Variants in HERC3 observed in about 807,000 individuals in gnomAD.
HERC3 encodes the protein HECT and RLD domain containing E3 ubiquitin protein ligase 3.
HERC3 carries 58 observed loss-of-function variants against 129.9 expected under a neutral mutation model. The observed-to-expected ratio is 0.45, with a 90% CI of 0.36 to 0.56. The LOEUF is 0.56. HERC3 is among the 20% of genes least tolerant of loss of function. The pLI, the probability that HERC3 is intolerant of heterozygous loss-of-function variation, is 0.00. For synonymous variants in HERC3, 430 were observed against 451.0 expected (o/e 0.95, Z 0.59); for missense variants, 835 against 1,244.2 (o/e 0.67, Z 4.95).
At chr4:88,656,314 T>C in intron 9 of HERC3, 1 of 395,666 alleles carries the variant, frequency 2.5e-6, no homozygotes, top group South Asian at 3.6e-5. Flanking sequence ...AGAGTTTTAA[T>C]TGGCTCACAG....
chr4:88,653,137 A>G (rs1238626883), intron 6 of HERC3, 47 bp downstream of exon 6: 1 of 1,557,060 alleles, frequency 6.4e-7, no homozygotes, highest in Non-Finnish European at 8.8e-7. Context: ...AAGCACATTC[A>G]TTTAACACAT....
chr4:88,677,972 C>A lies in HERC3; in HGVS notation c.2034C>A (p.Val678=). Residue 678 remains valine (V), a synonymous_variant, in exon 19 of 26, where the codon GTC becomes GTA. Transcript: ENST00000402738. ...TGACTGTGCCATTCCAGGTGGCAGT[C>A]AATGGAGCCAACCTGCAGAATGTCT... ...TDAELQMQVA[V]NGANLQNVFM... is the part of the protein sequence containing the mutation. The A allele has an allele frequency of 6.2e-7, 1 of 1,611,918 alleles. No homozygotes were observed. The highest frequency in any genetic ancestry group is 1.1e-5 in the South Asian group (1 of 91,030).
At chr4:88,539,774 C>T in the HERC3 span, among the ~76,000 whole-genome samples, 1 of 152,222 alleles carries the variant, frequency 6.6e-6, no homozygotes, top group Non-Finnish European at 1.5e-5. Flanking sequence ...GCAGCTTCCG[C>T]TGGTGATACC....
the HERC3 span, among the ~76,000 whole-genome samples, chr4:88,561,995 T>C: frequency 6.6e-6 from 1 of 152,214 alleles, no homozygotes; most frequent in Non-Finnish European, 1.5e-5. Flanking sequence ...ATTTCCATTC[T>C]TTTGGGTATT....
At chr4:88,654,385 T>TACAC (rs60231988) in intron 7 of HERC3, among the ~76,000 whole-genome samples, 23 of 104,320 alleles carry the variant, frequency 2.2e-4, no homozygotes, top group African/African-American at 6.9e-4. Context: ...TATATATATA[T>TACAC]ATACACACAC....
chr4:88,544,957 G>A, the HERC3 span, among the ~76,000 whole-genome samples: 1 of 152,092 alleles, frequency 6.6e-6, no homozygotes, highest in Non-Finnish European at 1.5e-5. Context: ...TGTAAATGAC[G>A]AGTTGATGGG....
At chr4:88,550,232 G>A in the HERC3 span, among the ~76,000 whole-genome samples, 95 of 152,262 alleles carry the variant, frequency 6.2e-4, no homozygotes, top group African/African-American at 2.2e-3. Context: ...ACAAGACAGG[G>A]ATGCCCTCTC....
At chr4:88,700,661 G>GTTCTCCAGAACACAGTGTTTCTGTGT (rs545359603) in intron 23 of HERC3, among the ~76,000 whole-genome samples, 145 of 152,126 alleles carry the variant, frequency 9.5e-4, no homozygotes, top group Non-Finnish European at 1.8e-3. Flanking sequence ...ATATGTCAGT[G>GTTCTCCAGAACACAGTGTTTCTGTGT]TTCTCCAGAG....
chr4:88,651,942 T>C, intron 4 of HERC3, 70 bp from the exon 5 acceptor site: 1 of 1,080,692 alleles, frequency 9.3e-7, no homozygotes, highest in East Asian at 2.4e-5. Context: ...TTTATTTAAT[T>C]GGGAATATTT....
At chr4:88,576,368 G>A in the HERC3 span, among the ~76,000 whole-genome samples, 1 of 152,164 alleles carries the variant, frequency 6.6e-6, no homozygotes, top group African/African-American at 2.4e-5. Flanking sequence ...GGGTCTGCAT[G>A]ATATGTCTCT....
At chr4:88,593,656 G>T (rs1009083394) in intron 1 of HERC3, among the ~76,000 whole-genome samples, 2 of 152,176 alleles carry the variant, frequency 1.3e-5, no homozygotes, top group African/African-American at 4.8e-5. Flanking sequence ...TGGGAAAGAC[G>T]ATTCAAGAGC....
At chr4:88,694,779 T>A (rs1425725124) in intron 23 of HERC3, among the ~76,000 whole-genome samples, 1 of 152,210 alleles carries the variant, frequency 6.6e-6, no homozygotes, top group African/African-American at 2.4e-5. Flanking sequence ...TTTACATAGG[T>A]CATACACATT....
chr4:88,678,686 A>G (rs897439487), intron 19 of HERC3, among the ~76,000 whole-genome samples: 2 of 152,326 alleles, frequency 1.3e-5, no homozygotes, highest in East Asian at 3.9e-4. Flanking sequence ...TTAGTGAATT[A>G]TATGAAATTG....
intron 13 of HERC3, 70 bp from the exon 14 acceptor site, chr4:88,667,822 A>C: frequency 8.8e-7 from 1 of 1,142,016 alleles, no homozygotes. Flanking sequence ...CAAATAGCTT[A>C]TGAACTTAGA....
intron 18 of HERC3, 110 bp from the exon 19 acceptor site, chr4:88,677,854 T>G (rs773688248): frequency 1.1e-6 from 1 of 891,048 alleles, no homozygotes; most frequent in Non-Finnish European, 1.7e-6. Flanking sequence ...GGAAAAAAAT[T>G]AACAAAATGG....
intron 4 of HERC3, among the ~76,000 whole-genome samples, chr4:88,651,587 T>C (rs1729282655): frequency 6.6e-6 from 1 of 152,202 alleles, no homozygotes. Flanking sequence ...CTTCCCCACC[T>C]CAAGGGTACA....
At chr4:88,687,979 A>G (rs1023398804) in intron 23 of HERC3, among the ~76,000 whole-genome samples, 1 of 152,208 alleles carries the variant, frequency 6.6e-6, no homozygotes, top group Non-Finnish European at 1.5e-5. Flanking sequence ...CTGAGTGCCC[A>G]CTGTGTGCCA....
At chr4:88,581,237 C>A in the HERC3 span, among the ~76,000 whole-genome samples, 1 of 152,014 alleles carries the variant, frequency 6.6e-6, no homozygotes, top group Non-Finnish European at 1.5e-5. Context: ...GCAGAACCTA[C>A]TGTGTTGAGA....
At chr4:88,665,273 G>C (rs368725105) in intron 12 of HERC3, among the ~76,000 whole-genome samples, 1 of 152,152 alleles carries the variant, frequency 6.6e-6, no homozygotes, top group Non-Finnish European at 1.5e-5. Context: ...AGAACCAGGC[G>C]AGCCAGCATC....
Sources: gnomAD v4.1 joint callset for allele counts (sites outside exome capture counted in the v4.1 genomes callset) on GRCh38, gnomAD v4.1.1 for gene constraint, MANE v1.5 for transcripts, NCBI Gene and HGNC (gene_info 2026-07-23, HGNC 2026-07-21) for gene names.